MARCHF5: variants seen among roughly 807,000 people sequenced by gnomAD.
The protein encoded by MARCHF5 is E3 ubiquitin-protein ligase MARCHF5.
Under a neutral mutation model 36.5 loss-of-function variants are expected in MARCHF5, and 5 were observed. That is an observed-to-expected ratio of 0.14 (90% CI 0.07 to 0.29). The LOEUF (loss-of-function observed/expected upper bound fraction) is 0.29. Among genes scored for constraint, MARCHF5 ranks in the 10% least tolerant of loss-of-function variants. The pLI is 1.00. For synonymous variants in MARCHF5, 103 were observed against 109.9 expected, an observed-to-expected ratio of 0.94 and a Z score of 0.39; for missense variants, 179 against 336.3, an observed-to-expected ratio of 0.53 and a Z score of 3.66.
intron 1 of MARCHF5, chr10:92,308,453 T>C (rs1435331279): frequency 3.3e-5 from 5 of 152,134 alleles, no homozygotes; most frequent in African/African-American, 1.2e-4. Context: ...TCATATATCA[T>C]CTTGTGACTT....
At chr10:92,329,468 T>C (rs928840708) in intron 2 of MARCHF5, among the ~76,000 whole-genome samples, 7 of 152,222 alleles carry the variant, frequency 4.6e-5, no homozygotes, top group African/African-American at 1.7e-4. Context: ...GGGGGTTTTA[T>C]ATTTTTGACT....
intron 1 of MARCHF5, among the ~76,000 whole-genome samples, chr10:92,302,165 CTT>C (rs959483597): frequency 6.6e-6 from 1 of 151,968 alleles, no homozygotes; most frequent in Non-Finnish European, 1.5e-5. Context: ...AGTACAGACT[CTT>C]TTTTTTCCAA....
chr10:92,332,102 G>A (rs1339534027), intron 2 of MARCHF5, among the ~76,000 whole-genome samples: 1 of 150,504 alleles, frequency 6.6e-6, no homozygotes, highest in Non-Finnish European at 1.5e-5. Context: ...TTTTGGACCA[G>A]GCATAGTGTC....
chr10:92,340,503 T>C (rs113893959), intron 2 of MARCHF5, among the ~76,000 whole-genome samples, 170 bp from the exon 3 acceptor site: 2 of 152,180 alleles, frequency 1.3e-5, no homozygotes, highest in African/African-American at 4.8e-5. Context: ...ACCCAGAAGT[T>C]TGAGGCTGTA....
chr10:92,302,919 C>T (rs17107539), intron 1 of MARCHF5, among the ~76,000 whole-genome samples: 11,681 of 152,226 alleles, frequency 0.077, 615 homozygotes, highest in East Asian at 0.19. Context: ...GCTTATTCCA[C>T]GCTTGCTTTC....
chr10:92,334,315 CTT>C (rs1843476938), intron 2 of MARCHF5: 1 of 152,204 alleles, frequency 6.6e-6, no homozygotes, highest in Non-Finnish European at 1.5e-5. Flanking sequence ...TGTTGAATCT[CTT>C]TTATAAATTA....
Position 92,291,473 on chromosome 10 carries a change from G to C in MARCHF5, c.-22G>C, listed in dbSNP as rs1292092366. 3 of 1,543,962 alleles carry C rather than the reference G, an allele frequency of 1.9e-6. No individual in the cohort carries two copies. The African/African-American group carries it at 4.1e-5, about 21-fold the overall frequency. Reference sequence around the variant, plus strand: ...TTGAGCGGGTCCACTGGGGAAGGCCGTGTGCGCCGGCTCCGCGGAAGATGC... The same window carrying C: ...TTGAGCGGGTCCACTGGGGAAGGCCCTGTGCGCCGGCTCCGCGGAAGATGC... On this transcript the variant is annotated 5_prime_UTR_variant, in exon 1 of 6. Transcript: ENST00000358935.
chr10:92,307,557 C>G (rs1268487882), intron 1 of MARCHF5, among the ~76,000 whole-genome samples: 2 of 151,894 alleles, frequency 1.3e-5, no homozygotes, highest in Non-Finnish European at 2.9e-5. Flanking sequence ...GAGATCCTGT[C>G]TCTAAAAAAA....
At chr10:92,345,852 G>T (rs571669058) in intron 3 of MARCHF5, among the ~76,000 whole-genome samples, 10 of 151,564 alleles carry the variant, frequency 6.6e-5, no homozygotes, top group African/African-American at 2.4e-4. Flanking sequence ...ATGCCACCAC[G>T]CCCTGCTAAT....
chr10:92,291,549 G>T lies in MARCHF5; in HGVS notation c.35+20G>T. On this transcript the variant is annotated intron_variant, in intron 1 of 5. Coordinates refer to ENST00000358935, the MANE Select transcript of MARCHF5 (RefSeq NM_017824.5). Reference sequence around the variant, plus strand: ...GGACAGGTACGGGCAGCTGTGGGGGGGACCGGGAGCCGCCGACCCTCGCTC... The same window carrying T: ...GGACAGGTACGGGCAGCTGTGGGGGTGACCGGGAGCCGCCGACCCTCGCTC... 1 of 1,530,920 alleles carries T rather than the reference G, an allele frequency of 6.5e-7. No homozygotes were observed. 94.8% of individuals were successfully genotyped at this position (1,530,920 alleles called of 1,614,324 possible). A position where few individuals can be genotyped will look rare whatever the true frequency, so the allele number is the denominator to read the frequency against.
intron 1 of MARCHF5, chr10:92,291,750 C>A: frequency 4.3e-6 from 1 of 231,500 alleles, no homozygotes; most frequent in Non-Finnish European, 7.1e-6. Flanking sequence ...TAAGGAGTGG[C>A]GTCTGGTTTC....
intron 2 of MARCHF5, among the ~76,000 whole-genome samples, chr10:92,314,990 T>G (rs1233024566): frequency 6.6e-6 from 1 of 152,218 alleles, no homozygotes; most frequent in Non-Finnish European, 1.5e-5. Flanking sequence ...CCAGCTGTTG[T>G]CTGTAAATGA....
intron 2 of MARCHF5, among the ~76,000 whole-genome samples, chr10:92,334,862 G>C (rs1322177596): frequency 3.3e-5 from 5 of 152,114 alleles, no homozygotes; most frequent in Admixed American, 6.5e-5. Context: ...CAGAATATTA[G>C]GGTGTAGTTG....
At chr10:92,342,285 A>T (rs1010552269) in intron 3 of MARCHF5, among the ~76,000 whole-genome samples, 13 of 151,932 alleles carry the variant, frequency 8.6e-5, no homozygotes, top group Admixed American at 3.3e-4. Flanking sequence ...AGTAGCTGGG[A>T]CTACAGGCAC....
Position 92,326,870 on chromosome 10 carries a change from G to A in MARCHF5, c.239-13803G>A, listed in dbSNP as rs1466766197. On this transcript the variant is annotated intron_variant, in intron 2 of 5. Transcript: ENST00000358935. ...GACACAGTCAAAAATTCAAAGACAC[G>A]AGGTACAGTAGGATATTTAATGAAA... Among the ~76,000 whole-genome samples, 8 of 151,580 alleles carry A rather than the reference G, an allele frequency of 5.3e-5. No individual in the cohort carries two copies. The South Asian group carries it at 6.2e-4, about 12-fold the overall frequency.
At chr10:92,293,140 T>TGCAGTG (rs769263116) in intron 1 of MARCHF5, among the ~76,000 whole-genome samples, 1 of 152,112 alleles carries the variant, frequency 6.6e-6, no homozygotes, top group African/African-American at 2.4e-5. Context: ...CAGACTGGAA[T>TGCAGTG]GCAGTGGCAG....
chr10:92,300,162 C>CAAA (rs377259892), intron 1 of MARCHF5, among the ~76,000 whole-genome samples: 1 of 135,872 alleles, frequency 7.4e-6, no homozygotes, highest in Non-Finnish European at 1.6e-5. Flanking sequence ...GACCTTGTCT[C>CAAA]AAAAAAAAAA....
chr10:92,341,266 G>A (rs2135215033), intron 3 of MARCHF5, among the ~76,000 whole-genome samples: 1 of 152,178 alleles, frequency 6.6e-6, no homozygotes, highest in East Asian at 1.9e-4. Flanking sequence ...AGCTGGGAGT[G>A]GTGGCAGGTT....
rs182997235 is a variant in MARCHF5 at position 92,337,470 on chromosome 10, A to G, written c.239-3203A>G. On this transcript the variant is annotated intron_variant, in intron 2 of 5. Transcript: ENST00000358935. Reference sequence around the variant, plus strand: ...CAAGAGGTTGCAGCAGTGAGCCGAGATCGTGCCATTGCATTCCACCCTGGG... The same window carrying G: ...CAAGAGGTTGCAGCAGTGAGCCGAGGTCGTGCCATTGCATTCCACCCTGGG... Among the ~76,000 whole-genome samples, 44 of 152,248 alleles carry G rather than the reference A, an allele frequency of 2.9e-4. No individual in the cohort carries two copies. The East Asian group carries it at 7.2e-3, about 25-fold the overall frequency.
Sources: allele counts gnomAD v4.1 joint callset (sites outside exome capture counted in the v4.1 genomes callset), GRCh38; gene constraint gnomAD v4.1.1; transcripts MANE v1.5; gene names NCBI Gene and HGNC (gene_info 2026-07-23, HGNC 2026-07-21).